Variants in SMC2 observed in about 807,000 individuals in gnomAD.
SMC2 encodes structural maintenance of chromosomes 2, also known as structural maintenance of chromosomes protein 2.
A neutral mutation model predicts 142.6 loss-of-function variants in SMC2; 41 were observed. That is an observed-to-expected ratio of 0.29 (90% CI 0.22 to 0.37). The LOEUF is 0.37. Ranked by LOEUF, SMC2 falls within the 10% of genes least tolerant of loss-of-function variation. SMC2 has a pLI of 1.00. For synonymous variants in SMC2, 463 were observed against 457.5 expected (o/e 1.01, Z -0.15); for missense variants, 1,265 against 1,373.7 (o/e 0.92, Z 1.25).
chr9:104,118,442 C>G, intron 15 of SMC2, 67 bp downstream of exon 15: 6 of 1,336,776 alleles, frequency 4.5e-6, no homozygotes, highest in Non-Finnish European at 6.3e-6. Flanking sequence ...TTTTTAAGTA[C>G]ATTTTTAGCC....
At chr9:104,114,599 A>ATTTTC in intron 12 of SMC2, 92 bp from the exon 13 acceptor site, 3 of 1,114,504 alleles carry the variant, frequency 2.7e-6, no homozygotes, top group African/African-American at 3.2e-5. Context: ...ATTTCACTTT[A>ATTTTC]ATGTGTTGTC....
intron 3 of SMC2, 120 bp from the exon 4 acceptor site, chr9:104,098,326 G>A: frequency 1.3e-6 from 1 of 745,512 alleles, no homozygotes; most frequent in African/African-American, 1.9e-5. Flanking sequence ...TATTTATGCA[G>A]AATTGGTTTT....
Position 104,140,409 on chromosome 9 carries a change from C to A in SMC2, c.*1094C>A, listed in dbSNP as rs1331504649. On this transcript the variant is annotated 3_prime_UTR_variant, in exon 25 of 25. Transcript: ENST00000374793. ...CTAGAACAGTGACCCCAAACTGAAT[C>A]ATGAAAGGTCTGACATGATGTAATC... 1 of 152,120 alleles carries A rather than the reference C, an allele frequency of 6.6e-6. No individual in the cohort carries two copies. Among genetic ancestry groups the A allele is most frequent in the African/African-American group, 2.4e-5 (1 of 41,434 alleles). The allele number at this position is 152,120 out of a possible 1,614,324, so 9.4% of individuals were successfully genotyped here.
intron 16 of SMC2, among the ~76,000 whole-genome samples, chr9:104,122,722 A>AAAT (rs1833872477): frequency 6.6e-6 from 1 of 152,098 alleles, no homozygotes; most frequent in African/African-American, 2.4e-5. Flanking sequence ...TGAGGTTAAT[A>AAAT]AATAGATAAC....
At chr9:104,129,423 A>T (rs1040213359) in intron 20 of SMC2, among the ~76,000 whole-genome samples, 3 of 151,508 alleles carry the variant, frequency 2.0e-5, no homozygotes, top group African/African-American at 7.3e-5. Context: ...AATCACTTGA[A>T]CCTGGGAGGT....
chr9:104,103,035 AG>A (rs1831340392), intron 9 of SMC2, among the ~76,000 whole-genome samples: 1 of 152,156 alleles, frequency 6.6e-6, no homozygotes, highest in Non-Finnish European at 1.5e-5. Context: ...TATTGAATCC[AG>A]GCAAAAATAC....
rs1835982946 is a variant in SMC2 at position 104,140,633 on chromosome 9, G to A, written c.*1318G>A. 6.6e-6 allele frequency: 1 copy of A among 152,582 alleles called. No individual in the cohort carries two copies. The highest frequency in any genetic ancestry group is 2.1e-4 in the South Asian group (1 of 4,824). 9.5% of individuals were successfully genotyped at this position (152,582 alleles called of 1,614,324 possible). A position where few individuals can be genotyped will look rare whatever the true frequency, so the allele number is the denominator to read the frequency against. On this transcript the variant is annotated 3_prime_UTR_variant, in exon 25 of 25. Coordinates refer to ENST00000374793, the MANE Select transcript of SMC2 (RefSeq NM_006444.3). ...TGATATTATGGGACACATTGGAAAG[G>A]ATTGAATCTGGAATTAGTTCTGTCC... is the stretch of plus-strand genomic sequence containing the variant.
Position 104,102,330 on chromosome 9 carries a change from T to G in SMC2, c.871-94T>G. 3.2e-6 allele frequency: 4 copies of G among 1,243,326 alleles called. No homozygotes were observed. The South Asian group carries it at 6.2e-5, about 19-fold the overall frequency. The allele number at this position is 1,243,326 out of a possible 1,614,324, so 77.0% of individuals were successfully genotyped here. ...TCTTATAGTAAGATAATGAAATAAC[T>G]TATAAAAAAGTGTTTGATACAGAAC... On this transcript the variant is annotated intron_variant, in intron 8 of 24. Transcript: ENST00000374793.
chr9:104,120,129 A>T lies in SMC2; in HGVS notation c.2099A>T (p.Glu700Val). 7.4e-6 allele frequency: 12 copies of T among 1,612,990 alleles called. No individual in the cohort carries two copies. The highest frequency in any genetic ancestry group is 1.0e-5 in the Non-Finnish European group (12 of 1,179,622). ...IKENELRALEEELAGLKNTAE... is the reference protein window; with the variant it reads ...IKENELRALEVELAGLKNTAE... ...GAGAATGAGCTGCGGGCTCTAGAAGAGGAATTAGCAGGTCTTAAAAACACT... is the reference window on the plus strand; with the variant it reads ...GAGAATGAGCTGCGGGCTCTAGAAGTGGAATTAGCAGGTCTTAAAAACACT... The change falls in exon 16 of 25, where the codon GAG becomes GTG. Residue 700 changes from glutamate to valine, a missense_variant. Physicochemically the swap from Glu to Val is moderately radical, Grantham distance 121. Transcript: ENST00000374793.
At chr9:104,138,192 T>C in intron 24 of SMC2, 27 bp downstream of exon 24, 1 of 1,544,658 alleles carries the variant, frequency 6.5e-7, no homozygotes, top group Non-Finnish European at 8.8e-7. Flanking sequence ...AAAGTCTCAG[T>C]AATAGTTTAA....
In SMC2 at chr9:104,098,500, A is replaced by C; in HGVS notation, c.373A>C (p.Thr125Pro). The change falls in exon 4 of 25, where the codon ACC (threonine) becomes CCC (proline). Residue 125 changes from threonine (T) to proline (P), a missense_variant. By Grantham distance (38) the Thr-to-Pro change is conservative. Around this residue, in one of 4 missense-constraint regions of SMC2, gnomAD observed 168 missense variants for 184.8 expected, o/e 0.91. Coordinates refer to ENST00000374793, the MANE Select transcript of SMC2 (RefSeq NM_006444.3). ...YLINGVNANN[T>P]RVQDLFCSVG... ...AATCAATGGAGTCAATGCCAACAAC[A>C]CCAGAGTACAGGATCTCTTCTGTTC... The C allele has an allele frequency of 6.3e-7, 1 of 1,599,716 alleles. No homozygotes were observed. The highest frequency in any genetic ancestry group is 1.7e-4 in the Middle Eastern group (1 of 6,040).
intron 18 of SMC2, among the ~76,000 whole-genome samples, chr9:104,125,773 T>C (rs531942282): frequency 3.5e-4 from 53 of 152,346 alleles, no homozygotes; most frequent in Middle Eastern, 3.4e-3. Flanking sequence ...GTTATATCTT[T>C]TAGCTAATGC....
intron 2 of SMC2, 26 bp downstream of exon 2, chr9:104,095,578 T>C (rs891828251): frequency 8.8e-6 from 14 of 1,593,212 alleles, no homozygotes; most frequent in Non-Finnish European, 1.1e-5. Flanking sequence ...TCTGATTTAT[T>C]TGAATTTAAG....
At chr9:104,123,338 G>A (rs533113972) in intron 17 of SMC2, 106 bp downstream of exon 17, 1 of 1,085,400 alleles carries the variant, frequency 9.2e-7, no homozygotes, top group Non-Finnish European at 1.3e-6. Flanking sequence ...ATATGATAAA[G>A]TTTATTTAGG....
At chr9:104,127,221 T>C (rs1311236273) in intron 19 of SMC2, 65 bp from the exon 20 acceptor site, 1 of 1,273,902 alleles carries the variant, frequency 7.8e-7, no homozygotes, top group Non-Finnish European at 1.1e-6. Context: ...CAGATAATTG[T>C]TTAGTAAATT....
chr9:104,092,305 CCAA>C (rs1187819567), upstream of SMC2: 2 of 152,180 alleles, frequency 1.3e-5, no homozygotes, highest in Non-Finnish European at 2.9e-5. Context: ...GAGTCCTTAT[CCAA>C]CAACAGTGCA....
chr9:104,098,623 T>A, intron 4 of SMC2, 55 bp downstream of exon 4: 1 of 1,514,802 alleles, frequency 6.6e-7, no homozygotes, highest in Non-Finnish European at 8.9e-7. Flanking sequence ...CATTTTTTAC[T>A]TTTAAGCAAT....
intron 9 of SMC2, among the ~76,000 whole-genome samples, chr9:104,103,300 ACT>A (rs1421580921): frequency 2.6e-5 from 4 of 152,134 alleles, no homozygotes; most frequent in Non-Finnish European, 5.9e-5. Context: ...TTGTGTTCAT[ACT>A]CTCACAGAAT....
At chr9:104,135,801 G>A (rs1835465925) in intron 23 of SMC2, 1 of 517,698 alleles carries the variant, frequency 1.9e-6, no homozygotes, top group African/African-American at 1.9e-5. Flanking sequence ...GAAAGTATAT[G>A]TCAACTTAGA....
Sources: gnomAD v4.1 joint callset for allele counts (sites outside exome capture counted in the v4.1 genomes callset) on GRCh38, gnomAD v4.1.1 for gene constraint, gnomAD v4.1.1 regional missense constraint, MANE v1.5 for transcripts, NCBI Gene and HGNC (gene_info 2026-07-23, HGNC 2026-07-21) for gene names.